Variants in SARNP observed in about 807,000 individuals in gnomAD.
SARNP encodes the protein SAP domain-containing ribonucleoprotein.
SARNP carries 5 observed loss-of-function variants against 38.1 expected under a neutral mutation model. That is an observed-to-expected ratio of 0.13 (90% CI 0.07 to 0.28). The LOEUF (loss-of-function observed/expected upper bound fraction) is 0.28, where lower values mean the gene tolerates loss of function less well. SARNP is among the 10% of genes least tolerant of loss of function. SARNP has a pLI of 1.00. For synonymous variants in SARNP, 84 were observed against 80.6 expected, an observed-to-expected ratio of 1.04 and a Z score of -0.23; for missense variants, 180 against 243.9, an observed-to-expected ratio of 0.74 and a Z score of 1.75.
chr12:55,794,343 A>C lies in SARNP; in HGVS notation c.406+16T>G. ...ATAAAAAGGTAACTTTCTCAGAAGT[A>C]TCTCTGTACTCTTACCTTTTGTTGG... is the stretch of plus-strand genomic sequence containing the variant. On this transcript the variant is annotated intron_variant, in intron 7 of 10. Coordinates refer to ENST00000336133, the MANE Select transcript of SARNP (RefSeq NM_033082.4). 1.2e-6 allele frequency: 2 copies of C among 1,601,452 alleles called. No individual in the cohort carries two copies. The highest frequency in any genetic ancestry group is 1.3e-5 in the African/African-American group (1 of 74,552).
intron 9 of SARNP, among the ~76,000 whole-genome samples, chr12:55,786,788 C>T (rs373551899): frequency 2.1e-4 from 32 of 152,238 alleles, no homozygotes; most frequent in Non-Finnish European, 3.7e-4. Flanking sequence ...AATTAAAGTG[C>T]ATGTGGCTTA....
chr12:55,787,530 G>A (rs1454366096), intron 9 of SARNP, among the ~76,000 whole-genome samples: 1 of 151,838 alleles, frequency 6.6e-6, no homozygotes, highest in South Asian at 2.1e-4. Flanking sequence ...TCTGCCTTCC[G>A]GGTTCAAGTG....
chr12:55,778,925 C>T (rs1332371087), intron 9 of SARNP, among the ~76,000 whole-genome samples: 1 of 152,122 alleles, frequency 6.6e-6, no homozygotes, highest in African/African-American at 2.4e-5. Flanking sequence ...GAGCCAAGAT[C>T]GTGCCATTGC....
chr12:55,805,934 G>A (rs1393701724), intron 1 of SARNP, among the ~76,000 whole-genome samples: 1 of 152,030 alleles, frequency 6.6e-6, no homozygotes, highest in Non-Finnish European at 1.5e-5. Flanking sequence ...CTATTGAGGA[G>A]GCTGAGGCAG....
In SARNP at chr12:55,766,986, T is replaced by C. The variant is rs1325162982; in HGVS notation, c.502-6346A>G. On this transcript the variant is annotated intron_variant, in intron 9 of 10. Transcript: ENST00000336133. ...ATTTAATAAAACCAAATACCCTTAG[T>C]ATCATTGTATTTTCCATTGTAGAAT... 9.2e-5 allele frequency among the ~76,000 whole-genome samples: 14 copies of C among 152,284 alleles called. No homozygotes were observed. In the East Asian group the frequency reaches 9.6e-4, roughly 10 times the overall value.
At position 55,791,133 on chromosome 12, in the gene SARNP, G is replaced by A. The variant is rs954037158; in HGVS notation, c.407-541C>T. Among the ~76,000 whole-genome samples the A allele has an allele frequency of 2.6e-5, 4 of 152,290 alleles. No homozygotes were observed. The East Asian group carries it at 7.7e-4, about 29-fold the overall frequency. On this transcript the variant is annotated intron_variant, in intron 7 of 10. Coordinates refer to ENST00000336133, the MANE Select transcript of SARNP (RefSeq NM_033082.4). ...CACTATACGAATTCATTTATATGAA[G>A]GCAAATTTCCATGGAGAAAAAAACC...
intron 2 of SARNP, among the ~76,000 whole-genome samples, chr12:55,802,516 T>C (rs1880009351): frequency 6.6e-6 from 1 of 151,940 alleles, no homozygotes; most frequent in Non-Finnish European, 1.5e-5. Flanking sequence ...AAAACTTTGT[T>C]TCATGTACAA....
Position 55,796,258 on chromosome 12 carries a change from G to T in SARNP, c.252-182C>A, listed in dbSNP as rs999029775. Reference sequence around the variant, plus strand: ...TCCTTTAACTGTCATCTATTGAGAGGAAAGAGTTCAAATAACAAACTAAGC... The same window carrying T: ...TCCTTTAACTGTCATCTATTGAGAGTAAAGAGTTCAAATAACAAACTAAGC... On this transcript the variant is annotated intron_variant, in intron 4 of 10. Transcript: ENST00000336133. Among the ~76,000 whole-genome samples, 4 of 152,214 alleles carry T rather than the reference G, an allele frequency of 2.6e-5. No homozygotes were observed. In the South Asian group the frequency reaches 8.3e-4, roughly 32 times the overall value.
chr12:55,795,931 T>A lies in SARNP; in HGVS notation c.303+94A>T, dbSNP rs1381165080. The A allele has an allele frequency of 3.4e-6, 3 of 892,788 alleles. No individual in the cohort carries two copies. In the East Asian group the frequency reaches 7.6e-5, roughly 23 times the overall value. 55.3% of individuals were successfully genotyped at this position (892,788 alleles called of 1,614,324 possible). On this transcript the variant is annotated intron_variant, in intron 5 of 10. Coordinates refer to ENST00000336133, the MANE Select transcript of SARNP (RefSeq NM_033082.4). Reference sequence around the variant, plus strand: ...AATCTGCCAATACTGATTTTCTGCCTGTGAATAAATTTTAGAGGATGATGC... The same window carrying A: ...AATCTGCCAATACTGATTTTCTGCCAGTGAATAAATTTTAGAGGATGATGC...
chr12:55,780,130 A>G (rs560484662), intron 9 of SARNP, among the ~76,000 whole-genome samples: 36 of 152,316 alleles, frequency 2.4e-4, no homozygotes, highest in African/African-American at 8.7e-4. Context: ...CCTGGGCGAC[A>G]GAGCAAGACC....
intron 1 of SARNP, 90 bp from the exon 2 acceptor site, chr12:55,803,818 A>C: frequency 2.4e-6 from 2 of 820,858 alleles, no homozygotes; most frequent in Non-Finnish European, 2.0e-6. Context: ...AGAAAAAAAG[A>C]AAATGAAGTT....
chr12:55,812,971 G>A (rs1400839977), intron 1 of SARNP, among the ~76,000 whole-genome samples: 2 of 152,012 alleles, frequency 1.3e-5, no homozygotes, highest in African/African-American at 4.8e-5. Context: ...TTTTGAGACG[G>A]AGTCTCACTC....
chr12:55,754,375 T>G (rs1469856691), downstream of SARNP: 5 of 152,202 alleles, frequency 3.3e-5, no homozygotes, highest in Non-Finnish European at 7.3e-5. Context: ...TGCCTATATT[T>G]TAAATGGCAG....
At chr12:55,792,227 CTG>C (rs755288820) in intron 7 of SARNP, among the ~76,000 whole-genome samples, 2 of 151,956 alleles carry the variant, frequency 1.3e-5, no homozygotes, top group Non-Finnish European at 2.9e-5. Context: ...CAGAATTTTT[CTG>C]TCTTTTTAAA....
At chr12:55,787,586 A>G (rs1382100320) in intron 9 of SARNP, among the ~76,000 whole-genome samples, 2 of 151,716 alleles carry the variant, frequency 1.3e-5, no homozygotes, top group Non-Finnish European at 2.9e-5. Flanking sequence ...ACAGGCATGT[A>G]CCACCATGCC....
At chr12:55,810,501 G>A (rs1234317475) in intron 1 of SARNP, among the ~76,000 whole-genome samples, 1 of 149,482 alleles carries the variant, frequency 6.7e-6, no homozygotes, top group East Asian at 2.0e-4. Context: ...CACTCAGGCT[G>A]GAGTACAGTG....
At chr12:55,784,737 A>T (rs762137298) in intron 9 of SARNP, among the ~76,000 whole-genome samples, 1 of 152,238 alleles carries the variant, frequency 6.6e-6, no homozygotes, top group Non-Finnish European at 1.5e-5. Flanking sequence ...TGGCTTTGTA[A>T]AATAAGTTTT....
In SARNP at chr12:55,761,685, C is replaced by G. The variant is rs941126158; in HGVS notation, c.502-1045G>C. ...AGTCTATATATTTTCCTATCAGAAC[C>G]TAAACCCTACCATTTTATTTAGCCC... is the stretch of plus-strand genomic sequence containing the variant. On this transcript the variant is annotated intron_variant, in intron 9 of 10. Coordinates refer to ENST00000336133, the MANE Select transcript of SARNP (RefSeq NM_033082.4). The G allele has an allele frequency of 1.3e-3, 193 of 152,282 alleles. 2 individuals are homozygous for G. Among genetic ancestry groups the G allele is most frequent in the Admixed American group, 0.013 (193 of 15,284 alleles). The allele number at this position is 152,282 out of a possible 1,614,324, so 9.4% of individuals were successfully genotyped here.
chr12:55,794,506 A>G (rs1289666962), intron 6 of SARNP, 119 bp from the exon 7 acceptor site: 1 of 892,450 alleles, frequency 1.1e-6, no homozygotes, highest in Non-Finnish European at 1.8e-6. Context: ...TGCAATCATT[A>G]GCTAATTCTA....
Sources: gnomAD v4.1 joint callset for allele counts (sites outside exome capture counted in the v4.1 genomes callset) on GRCh38, gnomAD v4.1.1 for gene constraint, MANE v1.5 for transcripts, NCBI Gene and HGNC (gene_info 2026-07-23, HGNC 2026-07-21) for gene names.